The following FER variants were observed in gnomAD, a reference collection of about 807,000 sequenced individuals.
The protein encoded by FER is tyrosine-protein kinase Fer.
A neutral mutation model predicts 111.0 loss-of-function variants in FER; 63 were observed. That is an observed-to-expected ratio of 0.57 (90% CI 0.46 to 0.70). The LOEUF (loss-of-function observed/expected upper bound fraction) is 0.70. Among genes scored for constraint, FER ranks in the 30% least tolerant of loss-of-function variants. The pLI is 0.00. For synonymous variants in FER, 327 were observed against 313.9 expected, an observed-to-expected ratio of 1.04 and a Z score of -0.44; for missense variants, 914 against 954.0, an observed-to-expected ratio of 0.96 and a Z score of 0.55.
At chr5:109,118,075 G>C (rs200492075) in intron 17 of FER, among the ~76,000 whole-genome samples, 26,500 of 151,660 alleles carry the variant, frequency 0.17, 2,712 homozygotes, top group African/African-American at 0.29. Context: ...GAGGGCATCC[G>C]TGTCTTGTGC....
chr5:109,103,614 G>A (rs1748527355), intron 17 of FER, among the ~76,000 whole-genome samples: 1 of 152,110 alleles, frequency 6.6e-6, no homozygotes, highest in South Asian at 2.1e-4. Context: ...GGAATTTTGG[G>A]TTAGTTTTAA....
intron 2 of FER, chr5:108,782,523 T>C (rs181084266): frequency 4.7e-4 from 72 of 152,364 alleles, no homozygotes; most frequent in African/African-American, 1.6e-3. Context: ...TGGTATCAAA[T>C]CTAAGGACTC....
chr5:108,818,258 T>C, intron 3 of FER: 1 of 152,030 alleles, frequency 6.6e-6, no homozygotes, highest in Non-Finnish European at 1.5e-5. Flanking sequence ...TGAAATCCCA[T>C]CTCTACAAAA....
chr5:108,883,452 A>T lies in FER; in HGVS notation c.980A>T (p.Glu327Val). Residue 327 changes from glutamate (E) to valine (V), a missense_variant, in exon 9 of 20, where the codon GAG becomes GTG. By Grantham distance (121) the Glu-to-Val change is moderately radical (BLOSUM62 -2). Transcript: ENST00000281092. ...MQTQQMLLNK[E>V]EAVLELEKRI... ...ACACAGCAGATGCTTTTAAACAAGGAGGAGGCTGTTTTGGAGTTAGAGAAG... is the reference window on the plus strand; with the variant it reads ...ACACAGCAGATGCTTTTAAACAAGGTGGAGGCTGTTTTGGAGTTAGAGAAG... 6.2e-7 allele frequency: 1 copy of T among 1,609,596 alleles called. No homozygotes were observed. The highest frequency in any genetic ancestry group is 8.5e-7 in the Non-Finnish European group (1 of 1,177,086).
intron 2 of FER, among the ~76,000 whole-genome samples, chr5:108,787,006 C>T (rs777248615): frequency 1.1e-4 from 16 of 152,228 alleles, no homozygotes; most frequent in African/African-American, 1.7e-4. Context: ...CTGCACCCAT[C>T]GGGGCTGTGC....
chr5:109,024,676 A>G (rs552729223), intron 13 of FER, among the ~76,000 whole-genome samples: 41 of 152,222 alleles, frequency 2.7e-4, no homozygotes, highest in African/African-American at 9.6e-4. Context: ...TTTCTTTTTC[A>G]TATTGTCACT....
chr5:109,073,976 C>T lies in FER; in HGVS notation c.1925-26420C>T, dbSNP rs546834494. Among the ~76,000 whole-genome samples the T allele has an allele frequency of 4.6e-5, 7 of 152,144 alleles. No individual in the cohort carries two copies. In the South Asian group the frequency reaches 1.4e-3, roughly 32 times the overall value. On this transcript the variant is annotated intron_variant, in intron 16 of 19. Coordinates refer to ENST00000281092, the MANE Select transcript of FER (RefSeq NM_005246.4). Reference sequence around the variant, plus strand: ...AAAGAATCATTACCTAAAAATTTTACACTTTTCTTTCGTATCTTATAAACA... The same window carrying T: ...AAAGAATCATTACCTAAAAATTTTATACTTTTCTTTCGTATCTTATAAACA...
At chr5:109,087,410 ATCT>A (rs1439575272) in intron 16 of FER, among the ~76,000 whole-genome samples, 1 of 151,878 alleles carries the variant, frequency 6.6e-6, no homozygotes, top group East Asian at 1.9e-4. Flanking sequence ...ACATACTAAA[ATCT>A]TCTAAATCTT....
chr5:108,791,582 A>G (rs924305069), intron 2 of FER, among the ~76,000 whole-genome samples: 7 of 149,210 alleles, frequency 4.7e-5, no homozygotes, highest in African/African-American at 1.7e-4. Context: ...TATGATATAT[A>G]TATATACATA....
chr5:109,083,110 A>G (rs1477374248), intron 16 of FER, among the ~76,000 whole-genome samples: 2 of 152,060 alleles, frequency 1.3e-5, no homozygotes, highest in East Asian at 1.9e-4. Context: ...CTGCCCTAGT[A>G]TGTGTAAAAA....
chr5:109,026,492 T>C (rs533495263), intron 13 of FER, among the ~76,000 whole-genome samples: 10 of 152,230 alleles, frequency 6.6e-5, no homozygotes, highest in Non-Finnish European at 1.5e-4. Context: ...AAATTCTGAA[T>C]AATTCTTGGA....
intron 10 of FER, among the ~76,000 whole-genome samples, chr5:108,904,709 T>C (rs575326471): frequency 6.6e-6 from 1 of 152,278 alleles, no homozygotes; most frequent in South Asian, 2.1e-4. Flanking sequence ...GTGTAAGATA[T>C]ATTTTAGGTT....
intron 10 of FER, among the ~76,000 whole-genome samples, chr5:108,906,925 CTCAG>C: frequency 6.6e-6 from 1 of 152,112 alleles, no homozygotes; most frequent in Non-Finnish European, 1.5e-5. Context: ...GTCCCTTTCT[CTCAG>C]TATTGTTCAA....
chr5:108,849,763 A>G (rs1000077052), intron 5 of FER, among the ~76,000 whole-genome samples: 2 of 152,202 alleles, frequency 1.3e-5, no homozygotes, highest in African/African-American at 4.8e-5. Context: ...TAAACTCATT[A>G]GACTGGGTCT....
At chr5:108,836,852 C>A (rs1760720514) in intron 5 of FER, among the ~76,000 whole-genome samples, 1 of 151,830 alleles carries the variant, frequency 6.6e-6, no homozygotes, top group Non-Finnish European at 1.5e-5. Context: ...CCCTGTTTGT[C>A]CCCCTTCTCT....
At chr5:109,177,496 A>C (rs552831563) in intron 17 of FER, 9 of 152,182 alleles carry the variant, frequency 5.9e-5, no homozygotes, top group African/African-American at 2.2e-4. Flanking sequence ...GCTCAGCCTC[A>C]TGGTGATTCC....
At chr5:108,900,714 G>GA (rs1749888360) in intron 10 of FER, among the ~76,000 whole-genome samples, 1 of 152,168 alleles carries the variant, frequency 6.6e-6, no homozygotes, top group African/African-American at 2.4e-5. Flanking sequence ...TTCTGTAGAA[G>GA]AGTGCTTTAA....
intron 10 of FER, among the ~76,000 whole-genome samples, chr5:108,913,731 A>G (rs772015850): frequency 1.6e-4 from 25 of 152,220 alleles, no homozygotes; most frequent in Non-Finnish European, 3.4e-4. Context: ...ACAATTTATA[A>G]TGACCCCAGC....
intron 2 of FER, among the ~76,000 whole-genome samples, chr5:108,797,573 C>T (rs1288095356): frequency 6.6e-6 from 1 of 152,178 alleles, no homozygotes; most frequent in Admixed American, 6.5e-5. Context: ...CTCCTCCAAG[C>T]ATACTCTGTG....
Sources: allele counts gnomAD v4.1 joint callset (sites outside exome capture counted in the v4.1 genomes callset), GRCh38; gene constraint gnomAD v4.1.1; transcripts MANE v1.5; gene names NCBI Gene and HGNC (gene_info 2026-07-23, HGNC 2026-07-21).